RNF150: variants seen among roughly 807,000 people sequenced by gnomAD.
The protein encoded by RNF150 is ring finger protein 150.
RNF150 carries 24 observed loss-of-function variants against 39.3 expected under a neutral mutation model. That is an observed-to-expected ratio of 0.61 (90% CI 0.44 to 0.86). RNF150 has a LOEUF of 0.86. RNF150 is among the 40% of genes least tolerant of loss of function. The probability of loss-of-function intolerance (pLI) is 0.00; values close to 1 mark genes in which losing one functional copy is unlikely to be tolerated. For missense variants in RNF150, 502 were observed against 587.8 expected (o/e 0.85, Z 1.51); for synonymous variants, 255 against 227.3 (o/e 1.12, Z -1.10).
chr4:140,974,776 C>T (rs144849682), intron 1 of RNF150, among the ~76,000 whole-genome samples: 227 of 152,252 alleles, frequency 1.5e-3, no homozygotes, highest in Non-Finnish European at 2.8e-3. Context: ...TGAAGCTGAT[C>T]TTCCAGCTCA....
At chr4:141,001,749 G>A (rs907704107) in intron 1 of RNF150, among the ~76,000 whole-genome samples, 1 of 152,008 alleles carries the variant, frequency 6.6e-6, no homozygotes, top group Non-Finnish European at 1.5e-5. Context: ...AGGAGCAATA[G>A]GGATTACATA....
rs61543533 is a variant in RNF150 at position 141,027,926 on chromosome 4, GTTT to G, written c.485-60056_485-60054del. 3.3e-4 allele frequency among the ~76,000 whole-genome samples: 23 copies of G among 69,152 alleles called. 1 individual carries two copies. The highest frequency in any genetic ancestry group is 1.0e-3 in the South Asian group (2 of 1,910). The allele number at this position is 69,152 out of a possible 152,430, so 45.4% of individuals were successfully genotyped here. ...GCTTGGAATTTGTTTTTTTTTTTTT[GTTT>G]TTTTTTTTTTTTTTTTTTTTTTTCA... On this transcript the variant is annotated intron_variant, in intron 1 of 6. Coordinates refer to ENST00000515673, the MANE Select transcript of RNF150 (RefSeq NM_020724.2).
chr4:140,975,330 G>A (rs1302378218), intron 1 of RNF150, among the ~76,000 whole-genome samples: 1 of 152,160 alleles, frequency 6.6e-6, no homozygotes, highest in African/African-American at 2.4e-5. Flanking sequence ...AACTTTTTGG[G>A]GATTCTGCAG....
chr4:141,115,201 T>C (rs1313088840), intron 1 of RNF150, among the ~76,000 whole-genome samples: 1 of 152,216 alleles, frequency 6.6e-6, no homozygotes, highest in Non-Finnish European at 1.5e-5. Flanking sequence ...GAAGTCAAAT[T>C]GTCTCCGTTT....
At chr4:140,904,344 G>T (rs1730297522) in intron 6 of RNF150, among the ~76,000 whole-genome samples, 1 of 152,208 alleles carries the variant, frequency 6.6e-6, no homozygotes, top group African/African-American at 2.4e-5. Flanking sequence ...TTAAATGGCT[G>T]GCTAATTCTC....
chr4:141,161,820 T>G (rs1315727676), intron 1 of RNF150, among the ~76,000 whole-genome samples: 1 of 152,216 alleles, frequency 6.6e-6, no homozygotes, highest in African/African-American at 2.4e-5. Context: ...CCATGTGGTG[T>G]TAAGCCTGTG....
chr4:141,083,829 A>C (rs1213337590), intron 1 of RNF150, among the ~76,000 whole-genome samples: 1 of 152,232 alleles, frequency 6.6e-6, no homozygotes, highest in Non-Finnish European at 1.5e-5. Flanking sequence ...GAAACTACAA[A>C]GGCAACTGAA....
rs4613644 is a variant in RNF150, at chr4:141,130,257, C to T, written c.484+2068G>A. Among the ~76,000 whole-genome samples the T allele has an allele frequency of 8.9e-3, 1,359 of 152,326 alleles. 48 individuals carry two copies. The East Asian group carries it at 0.12, about 14-fold the overall frequency. On this transcript the variant is annotated intron_variant, in intron 1 of 6. Coordinates refer to ENST00000515673, the MANE Select transcript of RNF150 (RefSeq NM_020724.2). Reference sequence around the variant, plus strand: ...CCTGTCATGTATCTGCTCATAATGACACTCTAGCAGAAATCAATGCTAGCC... The same window carrying T: ...CCTGTCATGTATCTGCTCATAATGATACTCTAGCAGAAATCAATGCTAGCC...
chr4:141,199,257 C>T (rs1728252791), intron 1 of RNF150, among the ~76,000 whole-genome samples: 1 of 152,194 alleles, frequency 6.6e-6, no homozygotes, highest in Admixed American at 6.5e-5. Context: ...AGAACTATCA[C>T]ACATTGCTGG....
At chr4:141,206,419 C>CAAA (rs58176149) in intron 1 of RNF150, among the ~76,000 whole-genome samples, 6,642 of 63,950 alleles carry the variant, frequency 0.1, 344 homozygotes, top group South Asian at 0.19. Context: ...GACTCAATCT[C>CAAA]AAAAAAAAAA....
At chr4:140,885,435 CT>C (rs1309319458) in intron 6 of RNF150, among the ~76,000 whole-genome samples, 2,890 of 114,362 alleles carry the variant, frequency 0.025, 36 homozygotes, top group African/African-American at 0.051. Flanking sequence ...GTACATATAT[CT>C]TTTTTTTTTT....
At chr4:141,049,769 A>G (rs1313688264) in intron 1 of RNF150, among the ~76,000 whole-genome samples, 2 of 148,944 alleles carry the variant, frequency 1.3e-5, no homozygotes, top group African/African-American at 5.0e-5. Flanking sequence ...TTTTTAAATT[A>G]TGTGATGCTT....
intron 1 of RNF150, among the ~76,000 whole-genome samples, chr4:141,082,039 C>CA (rs1191087660): frequency 1.3e-5 from 2 of 152,200 alleles, no homozygotes; most frequent in Non-Finnish European, 2.9e-5. Context: ...GTCGGCTTCC[C>CA]AAAAGCTTGC....
In RNF150 at chr4:140,940,471, A is replaced by G. The variant is rs535931428; in HGVS notation, c.890+7183T>C. ...TAAATTATGGCACATGGGATATTAT[A>G]TATTAATTAAAAATGATGCTGACAA... On this transcript the variant is annotated intron_variant, in intron 4 of 6. Transcript: ENST00000515673. Among the ~76,000 whole-genome samples the G allele has an allele frequency of 6.6e-5, 10 of 152,300 alleles. No homozygotes were observed. In the East Asian group the frequency reaches 1.7e-3, roughly 26 times the overall value.
At chr4:141,086,328 CT>C (rs993804462) in intron 1 of RNF150, among the ~76,000 whole-genome samples, 112 of 152,128 alleles carry the variant, frequency 7.4e-4, no homozygotes, top group African/African-American at 2.5e-3. Flanking sequence ...ACTAGGTTTT[CT>C]TTTTTTGTTT....
At chr4:141,092,631 A>G (rs891855573) in intron 1 of RNF150, among the ~76,000 whole-genome samples, 1 of 152,058 alleles carries the variant, frequency 6.6e-6, no homozygotes, top group Admixed American at 6.6e-5. Context: ...CACTTTATAG[A>G]CCAGAAAATT....
intron 1 of RNF150, among the ~76,000 whole-genome samples, chr4:141,155,769 C>T (rs571793475): frequency 3.3e-4 from 51 of 152,268 alleles, no homozygotes; most frequent in Admixed American, 1.3e-3. Context: ...GTCCATGGTG[C>T]GTGGTCTCTC....
intron 6 of RNF150, among the ~76,000 whole-genome samples, chr4:140,886,161 A>G (rs902584975): frequency 7.3e-6 from 1 of 137,098 alleles, no homozygotes; most frequent in African/African-American, 2.8e-5. Context: ...ACTGCGCTCC[A>G]GCCTGGGCAA....
intron 1 of RNF150, among the ~76,000 whole-genome samples, chr4:140,991,881 T>A (rs945566691): frequency 1.3e-5 from 2 of 152,224 alleles, no homozygotes; most frequent in Non-Finnish European, 2.9e-5. Context: ...ATCATGTTAA[T>A]ACTCTTACCT....
Sources: gnomAD v4.1 joint callset for allele counts (sites outside exome capture counted in the v4.1 genomes callset) on GRCh38, gnomAD v4.1.1 for gene constraint, MANE v1.5 for transcripts, NCBI Gene and HGNC (gene_info 2026-07-23, HGNC 2026-07-21) for gene names.